The following CNTNAP2 variants were observed in gnomAD, a reference collection of about 807,000 sequenced individuals.
The protein encoded by CNTNAP2 is contactin associated protein 2, also known as contactin-associated protein-like 2.
In CNTNAP2, 98 loss-of-function variants were observed where a neutral mutation model predicts 155.2. The observed-to-expected ratio is 0.63, with a 90% CI of 0.54 to 0.75. CNTNAP2 has a LOEUF of 0.75. Among genes scored for constraint, CNTNAP2 ranks in the 30% least tolerant of loss-of-function variants. The pLI is 0.00. For missense variants in CNTNAP2, 1,727 were observed against 1,688.1 expected (o/e 1.02, Z -0.40); for synonymous variants, 651 against 631.2 (o/e 1.03, Z -0.47).
chr7:147,728,056 C>T (rs760922455), intron 13 of CNTNAP2, among the ~76,000 whole-genome samples: 18 of 151,958 alleles, frequency 1.2e-4, no homozygotes, highest in Non-Finnish European at 2.6e-4. Flanking sequence ...TTGGGCTCGC[C>T]ATCCATGTCT....
intron 15 of CNTNAP2, among the ~76,000 whole-genome samples, chr7:148,059,549 C>A (rs1803091011): frequency 6.8e-6 from 1 of 147,420 alleles, no homozygotes; most frequent in South Asian, 2.1e-4. Context: ...GACGGTGCCC[C>A]ATTGCACTCC....
Position 147,993,918 on chromosome 7 carries a change from G to GA in CNTNAP2, c.2383+15939dup, listed in dbSNP as rs896436372. Among the ~76,000 whole-genome samples the GA allele has an allele frequency of 2.8e-4, 40 of 145,080 alleles. No individual in the cohort carries two copies. In the Middle Eastern group the frequency reaches 0.011, roughly 39 times the overall value. On this transcript the variant is annotated intron_variant, in intron 15 of 23. Transcript: ENST00000361727. ...CAAGAAGCACCTATTAAGGAATCAA[G>GA]AAAAAAAAAAGGATGACACTTACTT... is the stretch of plus-strand genomic sequence containing the variant.
At chr7:147,517,470 T>A (rs1799148503) in intron 11 of CNTNAP2, among the ~76,000 whole-genome samples, 1 of 152,174 alleles carries the variant, frequency 6.6e-6, no homozygotes, top group African/African-American at 2.4e-5. Flanking sequence ...ATTGAGCAGC[T>A]GTGGGAGAGA....
intron 13 of CNTNAP2, among the ~76,000 whole-genome samples, chr7:147,730,437 T>A (rs1448002531): frequency 6.6e-6 from 1 of 152,092 alleles, no homozygotes; most frequent in Non-Finnish European, 1.5e-5. Flanking sequence ...TTCTCATTAT[T>A]ATTATATCTG....
chr7:146,588,455 A>C (rs1382817789), intron 1 of CNTNAP2, among the ~76,000 whole-genome samples: 3 of 152,198 alleles, frequency 2.0e-5, no homozygotes, highest in Non-Finnish European at 4.4e-5. Context: ...TTATTAAATT[A>C]AAATACAGTC....
intron 8 of CNTNAP2, among the ~76,000 whole-genome samples, chr7:147,198,487 C>T (rs1044864555): frequency 1.3e-5 from 2 of 152,198 alleles, no homozygotes; most frequent in Admixed American, 6.5e-5. Flanking sequence ...CCACCTCAGC[C>T]TCCCAGAGTG....
intron 8 of CNTNAP2, among the ~76,000 whole-genome samples, chr7:147,166,342 G>A (rs1473238869): frequency 1.3e-5 from 2 of 152,002 alleles, no homozygotes; most frequent in African/African-American, 2.4e-5. Flanking sequence ...GCTAAGCTAT[G>A]AGGATACAAA....
At chr7:147,573,837 C>G (rs1800341010) in intron 12 of CNTNAP2, among the ~76,000 whole-genome samples, 1 of 152,112 alleles carries the variant, frequency 6.6e-6, no homozygotes, top group Non-Finnish European at 1.5e-5. Context: ...ATAATGTCTT[C>G]TTCATTTTAA....
chr7:147,704,435 A>T (rs1438424461), intron 13 of CNTNAP2: 1 of 164,554 alleles, frequency 6.1e-6, no homozygotes, highest in Non-Finnish European at 1.5e-5. Flanking sequence ...CTTCTGAAGA[A>T]AGGGTGGTTG....
chr7:148,214,336 T>C (rs1319947919), intron 18 of CNTNAP2, among the ~76,000 whole-genome samples: 1 of 152,202 alleles, frequency 6.6e-6, no homozygotes, highest in Non-Finnish European at 1.5e-5. Context: ...TCTCATCACA[T>C]AGCTGCTAAA....
chr7:147,465,282 T>C (rs1013621003), intron 10 of CNTNAP2, among the ~76,000 whole-genome samples: 1 of 152,126 alleles, frequency 6.6e-6, no homozygotes, highest in South Asian at 2.1e-4. Context: ...CATGTAACAA[T>C]CTTCACATGC....
At chr7:146,396,187 T>C (rs1368491969) in intron 1 of CNTNAP2, among the ~76,000 whole-genome samples, 1 of 152,176 alleles carries the variant, frequency 6.6e-6, no homozygotes, top group Admixed American at 6.6e-5. Flanking sequence ...AGTTAATTTC[T>C]AGGTTTTGTT....
rs1048959116 is a variant in CNTNAP2, at chr7:147,518,899, C to T, written c.1777+32858C>T. Among the ~76,000 whole-genome samples the T allele has an allele frequency of 4.6e-5, 7 of 151,614 alleles. No homozygotes were observed. In the East Asian group the frequency reaches 5.9e-4, roughly 13 times the overall value. On this transcript the variant is annotated intron_variant, in intron 11 of 23. Transcript: ENST00000361727. ...TACAAAAATTAGCAGGGAGTGGTGG[C>T]GGGCGCCTGTAGTTCCAGATACTCG...
chr7:146,575,810 T>G (rs1274703226), intron 1 of CNTNAP2, among the ~76,000 whole-genome samples: 5 of 152,184 alleles, frequency 3.3e-5, no homozygotes, highest in African/African-American at 1.2e-4. Flanking sequence ...ACATGGCAGT[T>G]AATTTTGGCA....
At chr7:148,094,113 C>A (rs1803910887) in intron 15 of CNTNAP2, among the ~76,000 whole-genome samples, 1 of 152,178 alleles carries the variant, frequency 6.6e-6, no homozygotes, top group South Asian at 2.1e-4. Context: ...AGTAAGAGTA[C>A]AGGCTCCAGA....
intron 12 of CNTNAP2, among the ~76,000 whole-genome samples, chr7:147,572,437 T>C (rs1326087128): frequency 6.6e-6 from 1 of 152,152 alleles, no homozygotes; most frequent in African/African-American, 2.4e-5. Flanking sequence ...CACTCAGCCC[T>C]TCTGAGGTTT....
chr7:148,102,549 C>A (rs976573140), intron 15 of CNTNAP2, among the ~76,000 whole-genome samples: 1 of 152,110 alleles, frequency 6.6e-6, no homozygotes, highest in Non-Finnish European at 1.5e-5. Flanking sequence ...AATATTGAAG[C>A]GGGAAATGTA....
chr7:146,839,923 A>T lies in CNTNAP2; in HGVS notation c.402+19A>T, dbSNP rs777973253. 1.9e-6 allele frequency: 3 copies of T among 1,613,400 alleles called. No homozygotes were observed. Among genetic ancestry groups the T allele is most frequent in the South Asian group, 2.2e-5 (2 of 90,988 alleles). On this transcript the variant is annotated intron_variant, in intron 3 of 23. Transcript: ENST00000361727. The stretch of plus-strand genomic sequence containing the variant: ...TATCTGGGTAAGTCATTGGCAGGAA[A>T]GCAAAGACACAGAATTGGATTGGAA...
chr7:146,245,279 GCCA>G (rs1799626997), intron 1 of CNTNAP2, among the ~76,000 whole-genome samples: 2 of 151,066 alleles, frequency 1.3e-5, no homozygotes, highest in Non-Finnish European at 3.0e-5. Context: ...TGAAGTCCGG[GCCA>G]GGAACAATGG....
Sources: gnomAD v4.1 joint callset for allele counts (sites outside exome capture counted in the v4.1 genomes callset) on GRCh38, gnomAD v4.1.1 for gene constraint, MANE v1.5 for transcripts, NCBI Gene and HGNC (gene_info 2026-07-23, HGNC 2026-07-21) for gene names.